Variants in GALNTL6 observed in about 807,000 individuals in gnomAD.
The protein encoded by GALNTL6 is polypeptide N-acetylgalactosaminyltransferase like 6.
Under a neutral mutation model 73.7 loss-of-function variants are expected in GALNTL6, and 46 were observed. That is an observed-to-expected ratio of 0.62 (90% CI 0.49 to 0.80). GALNTL6 has a LOEUF of 0.80. GALNTL6 is among the 30% of genes least tolerant of loss of function. The pLI is 0.00. For missense variants in GALNTL6, 604 were observed against 755.0 expected, an observed-to-expected ratio of 0.80 and a Z score of 2.34; for synonymous variants, 259 against 263.7, an observed-to-expected ratio of 0.98 and a Z score of 0.17.
chr4:172,367,252 T>G (rs1742599932), intron 5 of GALNTL6, among the ~76,000 whole-genome samples: 1 of 152,216 alleles, frequency 6.6e-6, no homozygotes, highest in South Asian at 2.1e-4. Flanking sequence ...CTGGTTACTT[T>G]CTTCCCATGT....
At chr4:172,183,794 CT>C (rs33972396) in intron 2 of GALNTL6, among the ~76,000 whole-genome samples, 10,787 of 134,512 alleles carry the variant, frequency 0.08, 611 homozygotes, top group African/African-American at 0.2. Context: ...CTGTTGAAGA[CT>C]TTTTTTTTTT....
At chr4:172,212,377 G>C (rs537968044) in intron 2 of GALNTL6, among the ~76,000 whole-genome samples, 2 of 152,038 alleles carry the variant, frequency 1.3e-5, no homozygotes, top group East Asian at 3.9e-4. Flanking sequence ...GATCAGGCTG[G>C]TCTTGAACTC....
At chr4:172,541,499 C>T (rs549850674) in intron 5 of GALNTL6, among the ~76,000 whole-genome samples, 15 of 152,166 alleles carry the variant, frequency 9.9e-5, no homozygotes, top group Admixed American at 4.6e-4. Flanking sequence ...TGAGAGATCA[C>T]GGCAAGTTTT....
intron 5 of GALNTL6, among the ~76,000 whole-genome samples, chr4:172,755,148 G>A (rs1479655445): frequency 1.3e-5 from 2 of 151,918 alleles, no homozygotes; most frequent in Non-Finnish European, 1.5e-5. Context: ...ACATCATTCA[G>A]AATGATTCAA....
At chr4:172,860,787 T>G (rs1354973300) in intron 7 of GALNTL6, among the ~76,000 whole-genome samples, 1 of 152,214 alleles carries the variant, frequency 6.6e-6, no homozygotes, top group Non-Finnish European at 1.5e-5. Flanking sequence ...TTAATGATGC[T>G]TAAATCACTG....
intron 10 of GALNTL6, among the ~76,000 whole-genome samples, chr4:172,958,114 G>A (rs1050580479): frequency 2.6e-5 from 4 of 152,190 alleles, no homozygotes; most frequent in Non-Finnish European, 5.9e-5. Flanking sequence ...GAGCCAGGGA[G>A]CAGAAAGTGT....
chr4:171,937,745 CA>C (rs2111007183), intron 2 of GALNTL6, among the ~76,000 whole-genome samples: 1 of 152,126 alleles, frequency 6.6e-6, no homozygotes, highest in Non-Finnish European at 1.5e-5. Flanking sequence ...GTTACATAGG[CA>C]AATGAAAAGT....
At chr4:172,564,636 A>G (rs917468993) in intron 5 of GALNTL6, among the ~76,000 whole-genome samples, 3 of 152,262 alleles carry the variant, frequency 2.0e-5, no homozygotes, top group Admixed American at 2.0e-4. Context: ...AATGGCAAAC[A>G]TAAAGAGAAA....
chr4:172,848,029 AAAGGTG>A (rs879914761), intron 7 of GALNTL6, among the ~76,000 whole-genome samples: 1 of 152,214 alleles, frequency 6.6e-6, no homozygotes, highest in Non-Finnish European at 1.5e-5. Flanking sequence ...TTATGTATAC[AAAGGTG>A]AAGGTGACAC....
In GALNTL6 at chr4:172,538,469, AAAC is replaced by A. The variant is rs1473366858; in HGVS notation, c.553+189783_553+189785del. On this transcript the variant is annotated intron_variant, in intron 5 of 12. Transcript: ENST00000506823. Reference sequence around the variant, plus strand: ...AGTGAGACTCCATCTCAAAAAAACAAAACAAAACAAAACAAAAAAATAGATTTC... The same window carrying A: ...AGTGAGACTCCATCTCAAAAAAACAAAAAACAAAACAAAAAAATAGATTTC... Among the ~76,000 whole-genome samples, 13 of 151,172 alleles carry A rather than the reference AAAC, an allele frequency of 8.6e-5. 1 individual carries two copies. The highest frequency in any genetic ancestry group is 7.2e-4 in the Admixed American group (11 of 15,236).
At chr4:172,757,796 A>T (rs1314777218) in intron 5 of GALNTL6, among the ~76,000 whole-genome samples, 4 of 152,200 alleles carry the variant, frequency 2.6e-5, no homozygotes, top group South Asian at 2.1e-4. Context: ...AAATGTTGAG[A>T]TGTTACGTCC....
intron 5 of GALNTL6, among the ~76,000 whole-genome samples, chr4:172,529,114 G>T (rs1579158048): frequency 6.7e-6 from 1 of 148,782 alleles, no homozygotes; most frequent in Non-Finnish European, 1.5e-5. Flanking sequence ...ATTATATTTG[G>T]ATATTAATGT....
At chr4:171,821,100 A>G (rs1397361467) in intron 2 of GALNTL6, among the ~76,000 whole-genome samples, 3 of 152,040 alleles carry the variant, frequency 2.0e-5, no homozygotes, top group Admixed American at 6.6e-5. Flanking sequence ...CAGTGGTGCA[A>G]CTGTAACTCG....
At chr4:171,872,137 G>A (rs1736154245) in intron 2 of GALNTL6, among the ~76,000 whole-genome samples, 1 of 152,068 alleles carries the variant, frequency 6.6e-6, no homozygotes, top group South Asian at 2.1e-4. Flanking sequence ...TGTGCACAGA[G>A]CAAAGCTAAT....
intron 2 of GALNTL6, among the ~76,000 whole-genome samples, chr4:172,047,906 G>T (rs1241918900): frequency 6.6e-6 from 1 of 152,054 alleles, no homozygotes; most frequent in Non-Finnish European, 1.5e-5. Context: ...AATGAAGCAA[G>T]AATGAGTAAA....
chr4:172,841,510 C>A (rs763868535), intron 7 of GALNTL6, among the ~76,000 whole-genome samples: 8 of 152,264 alleles, frequency 5.3e-5, no homozygotes, highest in South Asian at 2.1e-4. Flanking sequence ...AAATACCCAA[C>A]AATGGGTAAT....
chr4:172,325,097 A>G lies in GALNTL6; in HGVS notation c.386+13345A>G, dbSNP rs202000194. ...GATTAATTAAATTTCTAAATTCCAA[A>G]AAGTATTTCTAAGAAAAAAAAAGAG... On this transcript the variant is annotated intron_variant, in intron 4 of 12. Transcript: ENST00000506823. 8.1e-4 allele frequency among the ~76,000 whole-genome samples: 123 copies of G among 151,918 alleles called. 2 individuals are homozygous for G. In the South Asian group the frequency reaches 0.016, roughly 19 times the overall value.
At chr4:172,758,322 G>A (rs1737868562) in intron 5 of GALNTL6, among the ~76,000 whole-genome samples, 2 of 152,176 alleles carry the variant, frequency 1.3e-5, no homozygotes, top group Non-Finnish European at 2.9e-5. Context: ...ATCACCTGAG[G>A]TCAGGAGTTG....
chr4:172,289,279 A>G (rs1739375744), intron 3 of GALNTL6, among the ~76,000 whole-genome samples: 4 of 152,146 alleles, frequency 2.6e-5, no homozygotes, highest in Admixed American at 2.6e-4. Context: ...TTCTCTCATT[A>G]TGCAGTTGTA....
Sources: gnomAD v4.1 joint callset for allele counts (sites outside exome capture counted in the v4.1 genomes callset) on GRCh38, gnomAD v4.1.1 for gene constraint, MANE v1.5 for transcripts, NCBI Gene and HGNC (gene_info 2026-07-23, HGNC 2026-07-21) for gene names.